EFCAB3: variants seen among roughly 807,000 people sequenced by gnomAD.
The protein encoded by EFCAB3 is EF-hand calcium binding domain 3, also known as EF-hand calcium-binding domain-containing protein 3.
Under a neutral mutation model 42.2 loss-of-function variants are expected in EFCAB3, and 36 were observed. The observed-to-expected ratio is 0.85, with a 90% CI of 0.65 to 1.13. The LOEUF (loss-of-function observed/expected upper bound fraction) is 1.13, where lower values mean the gene tolerates loss of function less well. Ranked by LOEUF, EFCAB3 falls within the 50% of genes most tolerant of loss-of-function variation. The pLI is 0.00. For synonymous variants in EFCAB3, 170 were observed against 172.8 expected, an observed-to-expected ratio of 0.98 and a Z score of 0.13; for missense variants, 418 against 505.1, an observed-to-expected ratio of 0.83 and a Z score of 1.65.
At chr17:62,393,962 T>C (rs2070326956) in intron 5 of EFCAB3, among the ~76,000 whole-genome samples, 1 of 151,566 alleles carries the variant, frequency 6.6e-6, no homozygotes, top group Non-Finnish European at 1.5e-5. Context: ...TTTTGTCTTT[T>C]TTTTTTTTTT....
chr17:62,405,402 G>C (rs1010176483), intron 6 of EFCAB3, among the ~76,000 whole-genome samples: 2 of 152,210 alleles, frequency 1.3e-5, no homozygotes, highest in Admixed American at 6.5e-5. Flanking sequence ...CCATCCCAGA[G>C]AGTAGTGAAG....
chr17:62,395,289 G>T (rs2144085577), intron 6 of EFCAB3, 101 bp downstream of exon 6: 2 of 1,448,614 alleles, frequency 1.4e-6, no homozygotes, highest in Non-Finnish European at 1.9e-6. Context: ...CACAGGGTCT[G>T]GTCCAAAACT....
At chr17:62,411,896 GGAAGGA>G (rs2070501045) in intron 8 of EFCAB3, among the ~76,000 whole-genome samples, 1 of 4,196 alleles carries the variant, frequency 2.4e-4, no homozygotes, top group African/African-American at 3.4e-4. Flanking sequence ...AAGGAAGGAA[GGAAGGA>G]AGGGAGGGAG....
intron 8 of EFCAB3, among the ~76,000 whole-genome samples, chr17:62,409,110 T>G (rs2144110875): frequency 6.6e-6 from 1 of 152,354 alleles, no homozygotes; most frequent in Non-Finnish European, 1.5e-5. Context: ...CAGGCTGGAA[T>G]ACAGTGGCGT....
At chr17:62,414,883 C>T (rs1395446766) in intron 9 of EFCAB3, among the ~76,000 whole-genome samples, 1 of 152,052 alleles carries the variant, frequency 6.6e-6, no homozygotes, top group African/African-American at 2.4e-5. Flanking sequence ...GCAGGCGAAT[C>T]ACCTGAGGTC....
Position 62,393,584 on chromosome 17 carries a change from G to A in EFCAB3, c.307G>A (p.Val103Met). Residue 103 changes from valine (V) to methionine (M), a missense_variant, in exon 5 of 10, where the codon GTG becomes ATG. Val to Met is a conservative substitution (Grantham distance 21, BLOSUM62 1). Coordinates refer to ENST00000305286, the MANE Select transcript of EFCAB3 (RefSeq NM_173503.4). ...GATTTTTGTTGCAGGAGATGGGAAG[G>A]TGAACTTCTCAGACTTTATCAAGGT... ...KCADIDRDGK[V>M]NFSDFIKVLT... The A allele has an allele frequency of 6.2e-7, 1 of 1,613,928 alleles. No individual in the cohort carries two copies. Among genetic ancestry groups the A allele is most frequent in the African/African-American group, 1.3e-5 (1 of 75,024 alleles).
At chr17:62,407,777 A>G (rs1297177538) in intron 8 of EFCAB3, among the ~76,000 whole-genome samples, 1 of 152,220 alleles carries the variant, frequency 6.6e-6, no homozygotes, top group Non-Finnish European at 1.5e-5. Flanking sequence ...GTTTCTAGAT[A>G]AACTCTCAAG....
chr17:62,378,463 G>A (rs1349445908), upstream of EFCAB3, among the ~76,000 whole-genome samples: 2 of 152,080 alleles, frequency 1.3e-5, no homozygotes, highest in East Asian at 1.9e-4. Flanking sequence ...CTTGGGAGGC[G>A]GAGGCAGGAA....
chr17:62,410,688 A>C (rs1220797780), intron 8 of EFCAB3, among the ~76,000 whole-genome samples: 1 of 152,078 alleles, frequency 6.6e-6, no homozygotes, highest in African/African-American at 2.4e-5. Context: ...ATGTTTCAGA[A>C]AGCAAGAGAG....
upstream of EFCAB3, among the ~76,000 whole-genome samples, chr17:62,376,874 A>G (rs1162464431): frequency 6.6e-6 from 1 of 152,234 alleles, no homozygotes; most frequent in East Asian, 1.9e-4. Flanking sequence ...GGACACAGAG[A>G]AAGTCTAACA....
rs2070362761 is a variant in EFCAB3 at position 62,397,719 on chromosome 17, G to A, written c.488+2531G>A. On this transcript the variant is annotated intron_variant, in intron 6 of 9. Transcript: ENST00000305286. ...AAAAACGATAAAGTTCTTGTTGCTG[G>A]ATTTGGTTAAAAAGGTCATGCTGGG... The A allele has an allele frequency of 4.5e-5, 23 of 506,084 alleles. 1 individual carries two copies. The highest frequency in any genetic ancestry group is 3.7e-4 in the South Asian group (22 of 60,264). 31.3% of individuals were successfully genotyped at this position (506,084 alleles called of 1,614,324 possible).
intron 6 of EFCAB3, among the ~76,000 whole-genome samples, chr17:62,399,237 G>T (rs2070380633): frequency 6.6e-6 from 1 of 150,404 alleles, no homozygotes; most frequent in East Asian, 2.0e-4. Context: ...GCACCATGAT[G>T]GTTCACTGAA....
intron 8 of EFCAB3, among the ~76,000 whole-genome samples, chr17:62,409,656 G>A (rs953547418): frequency 1.3e-5 from 2 of 148,802 alleles, no homozygotes; most frequent in Admixed American, 1.3e-4. Context: ...CCCCTTTCCT[G>A]ATTTTTTTCA....
Position 62,395,130 on chromosome 17 carries a change from C to T in EFCAB3, c.430C>T (p.Leu144=). Reference sequence around the variant, plus strand: ...CCCAGGAATCCTATTGTTTGAAATCCTATCAAGGCTTCTAGAGACTTCAGC... The same window carrying T: ...CCCAGGAATCCTATTGTTTGAAATCTTATCAAGGCTTCTAGAGACTTCAGC... The part of the protein sequence containing the change: ...GNPGILLFEI[L]SRLLETSALP... Residue 144 remains leucine, a synonymous_variant, in exon 6 of 10, where the codon CTA becomes TTA. Transcript: ENST00000305286. 6.2e-7 allele frequency: 1 copy of T among 1,614,044 alleles called. No individual in the cohort carries two copies. The highest frequency in any genetic ancestry group is 8.5e-7 in the Non-Finnish European group (1 of 1,180,016).
At chr17:62,399,387 C>A (rs2070381851) in intron 6 of EFCAB3, among the ~76,000 whole-genome samples, 1 of 152,060 alleles carries the variant, frequency 6.6e-6, no homozygotes. Context: ...AGGCTGGTCT[C>A]AAACTCCTGG....
At chr17:62,394,126 T>C (rs148801798) in intron 5 of EFCAB3, among the ~76,000 whole-genome samples, 134 of 152,228 alleles carry the variant, frequency 8.8e-4, no homozygotes, top group Middle Eastern at 6.8e-3. Context: ...GCTAATTTTT[T>C]GTATTTTTAG....
chr17:62,373,778 T>C, intron 1 of EFCAB3: 1 of 1,250,796 alleles, frequency 8.0e-7, no homozygotes, highest in Non-Finnish European at 1.1e-6. Context: ...AATTTTTATG[T>C]GACTGCCTCT....
chr17:62,373,297 G>T (rs939240151), intron 1 of EFCAB3, among the ~76,000 whole-genome samples: 1 of 126,964 alleles, frequency 7.9e-6, no homozygotes, highest in African/African-American at 2.8e-5. Context: ...AAAAAAAAAT[G>T]TAGAAATAGG....
intron 4 of EFCAB3, 151 bp from the exon 5 acceptor site, chr17:62,393,421 AG>A (rs1174675863): frequency 3.4e-6 from 2 of 595,976 alleles, no homozygotes; most frequent in African/African-American, 3.7e-5. Flanking sequence ...CACTTCAAGA[AG>A]ACCAGGGCTC....
Sources: gnomAD v4.1 joint callset for allele counts (sites outside exome capture counted in the v4.1 genomes callset) on GRCh38, gnomAD v4.1.1 for gene constraint, MANE v1.5 for transcripts, NCBI Gene and HGNC (gene_info 2026-07-23, HGNC 2026-07-21) for gene names.